Variants in ROBO1 observed in about 807,000 individuals in gnomAD.
ROBO1 encodes roundabout guidance receptor 1.
Under a neutral mutation model 195.9 loss-of-function variants are expected in ROBO1, and 149 were observed. The ratio of observed to expected loss-of-function variants is 0.76; its 90% CI spans 0.67 to 0.87. The LOEUF (loss-of-function observed/expected upper bound fraction) is 0.87, where lower values mean the gene tolerates loss of function less well. Among genes scored for constraint, ROBO1 ranks in the 40% least tolerant of loss-of-function variants. The pLI is 0.00. For missense variants in ROBO1, 1,933 were observed against 2,068.3 expected (o/e 0.93, Z 1.27); for synonymous variants, 816 against 733.2 (o/e 1.11, Z -1.82).
intron 2 of ROBO1, among the ~76,000 whole-genome samples, chr3:79,266,696 G>A (rs1322288244): frequency 6.6e-6 from 1 of 151,438 alleles, no homozygotes; most frequent in Non-Finnish European, 1.5e-5. Context: ...CTATTTGGTT[G>A]GTGTCCAATG....
chr3:79,058,339 T>G (rs1038507154), intron 3 of ROBO1, among the ~76,000 whole-genome samples: 5 of 152,034 alleles, frequency 3.3e-5, no homozygotes, highest in Admixed American at 6.6e-5. Context: ...ATCATTCTAC[T>G]TTGCATAGGA....
chr3:78,662,321 A>T (rs1707472248), intron 14 of ROBO1, among the ~76,000 whole-genome samples: 1 of 152,126 alleles, frequency 6.6e-6, no homozygotes, highest in Non-Finnish European at 1.5e-5. Context: ...GAGTAGAGAG[A>T]ACGCAGAGGA....
At chr3:79,551,185 A>AATTTT (rs1942496914) in intron 2 of ROBO1, among the ~76,000 whole-genome samples, 1 of 151,144 alleles carries the variant, frequency 6.6e-6, no homozygotes, top group Non-Finnish European at 1.5e-5. Flanking sequence ...ACTTTTTTTT[A>AATTTT]AATTTTAATT....
chr3:79,740,236 A>AAATAT (rs1703579840), intron 1 of ROBO1, among the ~76,000 whole-genome samples: 2 of 143,644 alleles, frequency 1.4e-5, no homozygotes, highest in Non-Finnish European at 1.5e-5. Flanking sequence ...TTTATATATA[A>AAATAT]ATATATATAT....
At chr3:79,567,592 T>A (rs1302566027) in intron 2 of ROBO1, among the ~76,000 whole-genome samples, 3 of 152,118 alleles carry the variant, frequency 2.0e-5, no homozygotes, top group Non-Finnish European at 4.4e-5. Flanking sequence ...CAGCCAATAG[T>A]ATTGTTACAT....
chr3:79,631,634 T>C (rs1945344826), intron 1 of ROBO1, among the ~76,000 whole-genome samples: 1 of 152,030 alleles, frequency 6.6e-6, no homozygotes, highest in Admixed American at 6.6e-5. Context: ...ATAAGACAAG[T>C]GGTACTCAAT....
At chr3:79,021,651 ATTTTTTT>A (rs71127372) in intron 3 of ROBO1, among the ~76,000 whole-genome samples, 2 of 76,884 alleles carry the variant, frequency 2.6e-5, no homozygotes, top group South Asian at 5.2e-4. Flanking sequence ...CCTAGAGATG[ATTTTTTT>A]TTTTTTTTTT....
intron 2 of ROBO1, among the ~76,000 whole-genome samples, chr3:79,233,152 G>A (rs1199022791): frequency 6.6e-6 from 1 of 152,006 alleles, no homozygotes; most frequent in Non-Finnish European, 1.5e-5. Flanking sequence ...GCAAAATTAA[G>A]AGGAATGGAG....
chr3:78,931,523 G>A (rs1199472590), intron 4 of ROBO1, among the ~76,000 whole-genome samples: 1 of 151,972 alleles, frequency 6.6e-6, no homozygotes, highest in Non-Finnish European at 1.5e-5. Flanking sequence ...TGGGATTACA[G>A]GCATGAGCCA....
intron 26 of ROBO1, among the ~76,000 whole-genome samples, chr3:78,623,730 T>C (rs1454300859): frequency 6.6e-6 from 1 of 152,140 alleles, no homozygotes; most frequent in Non-Finnish European, 1.5e-5. Flanking sequence ...CTGTCGGAAC[T>C]AGGAAAGTGC....
intron 3 of ROBO1, among the ~76,000 whole-genome samples, chr3:79,091,771 T>C (rs1421207440): frequency 1.3e-5 from 2 of 152,046 alleles, no homozygotes; most frequent in Non-Finnish European, 2.9e-5. Context: ...TCTGGGAAAA[T>C]GCAACTGTGA....
chr3:79,156,044 G>A (rs1318764702), intron 2 of ROBO1, among the ~76,000 whole-genome samples: 1 of 151,670 alleles, frequency 6.6e-6, no homozygotes. Context: ...GCTACAGCCA[G>A]CTTTTCCAGA....
chr3:78,990,264 T>C (rs2077206207), intron 3 of ROBO1, among the ~76,000 whole-genome samples: 2 of 152,330 alleles, frequency 1.3e-5, no homozygotes, highest in South Asian at 4.1e-4. Context: ...AATAAATGAA[T>C]AAACTGTTTT....
intron 2 of ROBO1, among the ~76,000 whole-genome samples, chr3:79,468,782 CAGTCTTTCACTGATT>C (rs1403330135): frequency 6.6e-6 from 1 of 152,088 alleles, no homozygotes; most frequent in Non-Finnish European, 1.5e-5. Flanking sequence ...AGACCAATCT[CAGTCTTTCACTGATT>C]GCTTAGGGAA....
At chr3:78,667,604 T>C (rs1427682256) in intron 14 of ROBO1, among the ~76,000 whole-genome samples, 1 of 152,072 alleles carries the variant, frequency 6.6e-6, no homozygotes, top group African/African-American at 2.4e-5. Flanking sequence ...TCATTCTACT[T>C]TCCATCTCCT....
At chr3:78,690,001 T>A (rs2081136298) in intron 8 of ROBO1, among the ~76,000 whole-genome samples, 1 of 148,000 alleles carries the variant, frequency 6.8e-6, no homozygotes, top group South Asian at 2.1e-4. Context: ...TAAAATATAT[T>A]TTAATATATA....
chr3:79,113,305 G>T (rs1441918233), intron 3 of ROBO1, among the ~76,000 whole-genome samples: 1 of 151,916 alleles, frequency 6.6e-6, no homozygotes, highest in Non-Finnish European at 1.5e-5. Context: ...TCCATCTTGC[G>T]ACAGTCTGCC....
rs184866501 is a variant in ROBO1 at position 79,574,502 on chromosome 3, A to C, written c.88+15322T>G. 1.2e-4 allele frequency among the ~76,000 whole-genome samples: 18 copies of C among 152,128 alleles called. No individual in the cohort carries two copies. In the East Asian group the frequency reaches 3.3e-3, roughly 28 times the overall value. ...ACATACTATAAATTAATAGCCTAAC[A>C]TAACTAATATCATCATAAAATTCAA... On this transcript the variant is annotated intron_variant, in intron 2 of 30. Transcript: ENST00000464233.
chr3:78,990,277 G>C lies in ROBO1; in HGVS notation c.173-51350C>G, dbSNP rs553023750. Among the ~76,000 whole-genome samples, 11 of 152,086 alleles carry C rather than the reference G, an allele frequency of 7.2e-5. No homozygotes were observed. The South Asian group carries it at 1.7e-3, about 23-fold the overall frequency. On this transcript the variant is annotated intron_variant, in intron 3 of 30. Coordinates refer to ENST00000464233, the MANE Select transcript of ROBO1 (RefSeq NM_002941.4). Reference sequence around the variant, plus strand: ...AGAATAAATGAATAAACTGTTTTTTGGCTAATATTCCACGATGTTAAATTA... The same window carrying C: ...AGAATAAATGAATAAACTGTTTTTTCGCTAATATTCCACGATGTTAAATTA...
Sources: allele counts gnomAD v4.1 joint callset (sites outside exome capture counted in the v4.1 genomes callset), GRCh38; gene constraint gnomAD v4.1.1; transcripts MANE v1.5; gene names NCBI Gene and HGNC (gene_info 2026-07-23, HGNC 2026-07-21).